Variants in RAP1GAP2 observed in about 807,000 individuals in gnomAD.
The protein encoded by RAP1GAP2 is RAP1 GTPase activating protein 2.
Under a neutral mutation model 95.0 loss-of-function variants are expected in RAP1GAP2, and 27 were observed. The observed-to-expected ratio is 0.28, with a 90% CI of 0.21 to 0.39. The LOEUF (loss-of-function observed/expected upper bound fraction) is 0.39. RAP1GAP2 is among the 10% of genes least tolerant of loss of function. The probability of loss-of-function intolerance (pLI) is 1.00; values close to 1 mark genes in which losing one functional copy is unlikely to be tolerated. For missense variants in RAP1GAP2, 771 were observed against 970.0 expected, an observed-to-expected ratio of 0.79 and a Z score of 2.72; for synonymous variants, 373 against 380.9, an observed-to-expected ratio of 0.98 and a Z score of 0.24.
At chr17:2,959,577 C>T (rs998732193) in intron 4 of RAP1GAP2, among the ~76,000 whole-genome samples, 3 of 152,176 alleles carry the variant, frequency 2.0e-5, no homozygotes, top group African/African-American at 2.4e-5. Context: ...TCATCTTGCA[C>T]GTGTGGAAAC....
intron 17 of RAP1GAP2, among the ~76,000 whole-genome samples, chr17:3,011,909 C>T (rs544547029): frequency 3.9e-5 from 6 of 152,196 alleles, no homozygotes; most frequent in South Asian, 2.1e-4. Flanking sequence ...GCACTGCGCC[C>T]GGCCTCCTTC....
At chr17:2,971,108 C>T (rs542169104) in intron 8 of RAP1GAP2, among the ~76,000 whole-genome samples, 4 of 152,190 alleles carry the variant, frequency 2.6e-5, no homozygotes, top group African/African-American at 7.2e-5. Flanking sequence ...AGGTAATTAT[C>T]GATAGCAGCT....
intron 2 of RAP1GAP2, among the ~76,000 whole-genome samples, chr17:2,801,878 T>G (rs2069316099): frequency 1.3e-5 from 2 of 152,162 alleles, no homozygotes; most frequent in Non-Finnish European, 2.9e-5. Flanking sequence ...TCTGCGTTTC[T>G]GGCCAAACCA....
intron 11 of RAP1GAP2, among the ~76,000 whole-genome samples, chr17:2,988,787 C>G (rs766713948): frequency 1.6e-4 from 25 of 152,170 alleles, no homozygotes; most frequent in Non-Finnish European, 3.2e-4. Flanking sequence ...GCCGGCCGGG[C>G]GCAGTGGCTC....
At chr17:2,953,854 T>C (rs2044008413) in intron 3 of RAP1GAP2, among the ~76,000 whole-genome samples, 1 of 152,082 alleles carries the variant, frequency 6.6e-6, no homozygotes, top group Admixed American at 6.6e-5. Flanking sequence ...TTTCAAAAAA[T>C]AAAAAATAAA....
chr17:2,824,555 C>T (rs888767084), intron 2 of RAP1GAP2, among the ~76,000 whole-genome samples: 9 of 151,076 alleles, frequency 6.0e-5, no homozygotes, highest in African/African-American at 1.7e-4. Context: ...CCAGCCTCAA[C>T]GTGGAGAAAC....
At chr17:2,925,228 C>T (rs2042913201) in intron 3 of RAP1GAP2, among the ~76,000 whole-genome samples, 1 of 152,152 alleles carries the variant, frequency 6.6e-6, no homozygotes, top group Admixed American at 6.5e-5. Flanking sequence ...AGAAACCTTC[C>T]TCCAAAAGTG....
chr17:3,010,336 CAAAAAAAAA>C (rs1179623628), intron 17 of RAP1GAP2, among the ~76,000 whole-genome samples: 1 of 70,276 alleles, frequency 1.4e-5, no homozygotes, highest in East Asian at 4.0e-4. Context: ...GAGACTGTCT[CAAAAAAAAA>C]AAAAAAAAAA....
intron 2 of RAP1GAP2, among the ~76,000 whole-genome samples, chr17:2,845,456 G>A (rs991341757): frequency 1.1e-4 from 17 of 152,118 alleles, no homozygotes; most frequent in African/African-American, 3.9e-4. Flanking sequence ...ATACATTTTG[G>A]ACAAATGGAT....
chr17:2,962,580 A>C lies in RAP1GAP2; in HGVS notation c.202-90A>C. On this transcript the variant is annotated intron_variant, in intron 4 of 24. Coordinates refer to ENST00000254695, the MANE Select transcript of RAP1GAP2 (RefSeq NM_015085.5). ...GCCAGCTTTTGCTGCTGCTCCTGTTACTAACCCCCTGTAAGGCCAGGTGCT... is the reference window on the plus strand; with the variant it reads ...GCCAGCTTTTGCTGCTGCTCCTGTTCCTAACCCCCTGTAAGGCCAGGTGCT... 4 of 1,354,196 alleles carry C rather than the reference A, an allele frequency of 3.0e-6. No homozygotes were observed. In the Admixed American group the frequency reaches 8.9e-5, roughly 30 times the overall value. 83.9% of individuals were successfully genotyped at this position (1,354,196 alleles called of 1,614,324 possible). A position where few individuals can be genotyped will look rare whatever the true frequency, so the allele number is the denominator to read the frequency against.
At chr17:2,826,003 C>T (rs1312063968) in intron 2 of RAP1GAP2, among the ~76,000 whole-genome samples, 4 of 129,520 alleles carry the variant, frequency 3.1e-5, no homozygotes, top group South Asian at 2.5e-4. Context: ...TTTTTTGAGA[C>T]GGAGTCTTGC....
chr17:2,787,821 C>T (rs1253154505), intron 1 of RAP1GAP2, among the ~76,000 whole-genome samples: 1 of 152,188 alleles, frequency 6.6e-6, no homozygotes, highest in Non-Finnish European at 1.5e-5. Flanking sequence ...CCCGCCTCGG[C>T]CTCCCAAAGT....
At chr17:2,986,257 A>G (rs1465514232) in intron 11 of RAP1GAP2, among the ~76,000 whole-genome samples, 1 of 152,230 alleles carries the variant, frequency 6.6e-6, no homozygotes, top group Non-Finnish European at 1.5e-5. Flanking sequence ...TAGGATCTGC[A>G]AGACGAACAC....
intron 2 of RAP1GAP2, among the ~76,000 whole-genome samples, chr17:2,880,874 C>G (rs2073259324): frequency 6.6e-6 from 1 of 152,210 alleles, no homozygotes. Context: ...CGCCTGGAAT[C>G]CCAGCACTTT....
intron 2 of RAP1GAP2, among the ~76,000 whole-genome samples, chr17:2,887,254 C>T (rs2073534477): frequency 6.6e-6 from 1 of 151,742 alleles, no homozygotes; most frequent in Admixed American, 6.6e-5. Context: ...GACGGGGTTT[C>T]CCCATATTGC....
chr17:2,789,629 A>AC (rs2068873583), intron 1 of RAP1GAP2, among the ~76,000 whole-genome samples: 1 of 143,412 alleles, frequency 7.0e-6, no homozygotes, highest in African/African-American at 2.6e-5. Flanking sequence ...AAAAAAAAAA[A>AC]ACATTAGCCA....
intron 13 of RAP1GAP2, 61 bp downstream of exon 13, chr17:2,995,527 G>A: frequency 6.2e-7 from 1 of 1,601,610 alleles, no homozygotes; most frequent in South Asian, 1.1e-5. Context: ...CCTGCCTCTG[G>A]TCTGACCTGC....
chr17:2,808,336 A>G (rs549547104), intron 2 of RAP1GAP2, among the ~76,000 whole-genome samples: 32 of 152,142 alleles, frequency 2.1e-4, no homozygotes, highest in African/African-American at 7.5e-4. Flanking sequence ...CGCTGGGTGG[A>G]TGCTGGTCCC....
chr17:2,794,293 G>T (rs547238309), upstream of RAP1GAP2, among the ~76,000 whole-genome samples: 5 of 152,168 alleles, frequency 3.3e-5, no homozygotes, highest in Admixed American at 1.3e-4. Flanking sequence ...CCCTTGGCTG[G>T]CCAGGCCTGG....
Sources: allele counts gnomAD v4.1 joint callset (sites outside exome capture counted in the v4.1 genomes callset), GRCh38; gene constraint gnomAD v4.1.1; transcripts MANE v1.5; gene names NCBI Gene and HGNC (gene_info 2026-07-23, HGNC 2026-07-21).